The following TRPV4 variants were observed in gnomAD, a reference collection of about 807,000 sequenced individuals.
The protein encoded by TRPV4 is transient receptor potential cation channel subfamily V member 4, also known as OSM9-like transient receptor potential channel 4.
In TRPV4, 58 loss-of-function variants were observed where a neutral mutation model predicts 84.1. The observed-to-expected ratio is 0.69, with a 90% CI of 0.56 to 0.86. The LOEUF (loss-of-function observed/expected upper bound fraction) is 0.86, where lower values mean the gene tolerates loss of function less well. TRPV4 is among the 40% of genes least tolerant of loss of function. The pLI, the probability that TRPV4 is intolerant of heterozygous loss-of-function variation, is 0.00. For synonymous variants in TRPV4, 489 were observed against 500.9 expected, an observed-to-expected ratio of 0.98 and a Z score of 0.32; for missense variants, 879 against 1,181.1, an observed-to-expected ratio of 0.74 and a Z score of 3.75.
At chr12:109,794,278 T>TCAGCCCAGTGCCTGCCC in intron 8 of TRPV4, 51 bp downstream of exon 8, 6 of 1,603,074 alleles carry the variant, frequency 3.7e-6, no homozygotes, top group Non-Finnish European at 5.1e-6. Flanking sequence ...CAGTCCTGCA[T>TCAGCCCAGTGCCTGCCC]GGCTCAGCCC....
At chr12:109,802,905 C>G in intron 4 of TRPV4, 86 bp downstream of exon 4, 3 of 1,451,398 alleles carry the variant, frequency 2.1e-6, no homozygotes, top group Non-Finnish European at 2.9e-6. Flanking sequence ...CACTTAGGCC[C>G]AGATCAAAAG....
At position 109,802,980 on chromosome 12, in the gene TRPV4, C is replaced by T. The variant is rs540760312; in HGVS notation, c.712+11G>A. On this transcript the variant is annotated intron_variant, in intron 4 of 15. Coordinates refer to ENST00000261740, the MANE Select transcript of TRPV4 (RefSeq NM_021625.5). Reference sequence around the variant, plus strand: ...GCCCCCGTGGCACCCCTGCCCAGCCCGGGGCCCCACCTCGATAGTAGATGT... The same window carrying T: ...GCCCCCGTGGCACCCCTGCCCAGCCTGGGGCCCCACCTCGATAGTAGATGT... The T allele has an allele frequency of 3.1e-5, 50 of 1,613,434 alleles. No individual in the cohort carries two copies. Among genetic ancestry groups the T allele is most frequent in the South Asian group, 1.3e-4 (12 of 91,064 alleles).
intron 1 of TRPV4, among the ~76,000 whole-genome samples, chr12:109,826,878 A>G (rs1198841318): frequency 6.6e-6 from 1 of 152,232 alleles, no homozygotes; most frequent in Non-Finnish European, 1.5e-5. Context: ...AGAGTCTCAC[A>G]AAGTGGCCTC....
rs148779865 is a variant in TRPV4, at chr12:109,808,442, G to A, written c.413C>T (p.Pro138Leu). The A allele has an allele frequency of 2.5e-6, 4 of 1,613,422 alleles. No individual in the cohort carries two copies. The highest frequency in any genetic ancestry group is 3.4e-6 in the Non-Finnish European group (4 of 1,179,410). The change falls in exon 3 of 16, where the codon CCT (proline) becomes CTT (leucine). Residue 138 changes from proline to leucine, a missense_variant. Pro to Leu is a moderately conservative substitution (Grantham distance 98). Around this residue, in one of 4 missense-constraint regions of TRPV4, gnomAD observed 521 missense variants for 686.6 expected, o/e 0.76. Coordinates refer to ENST00000261740, the MANE Select transcript of TRPV4 (RefSeq NM_021625.5). ...IEKQPQSPKAPAPQPPPILKV... is the reference protein window; with the variant it reads ...IEKQPQSPKALAPQPPPILKV... ...GAGGATGGGGGGCGGCTGAGGGGCA[G>A]GGGCTTTGGGGCTCTGCGGCTGCTT...
chr12:109,810,048 G>A (rs1197690002), intron 2 of TRPV4, among the ~76,000 whole-genome samples: 1 of 152,216 alleles, frequency 6.6e-6, no homozygotes, highest in South Asian at 2.1e-4. Context: ...GGCACAGAGA[G>A]GGCTGGGAAG....
chr12:109,829,972 C>T (rs757548577), intron 1 of TRPV4, among the ~76,000 whole-genome samples: 2 of 152,210 alleles, frequency 1.3e-5, no homozygotes, highest in Admixed American at 6.5e-5. Context: ...CGTGCTACCA[C>T]GTTCGGCTAA....
rs566734320 is a variant in TRPV4, at chr12:109,787,920, C to T, written c.2208+480G>A. Among the ~76,000 whole-genome samples the T allele has an allele frequency of 2.0e-4, 30 of 152,302 alleles. 1 individual carries two copies. In the East Asian group the frequency reaches 5.6e-3, roughly 28 times the overall value. On this transcript the variant is annotated intron_variant, in intron 13 of 15. Coordinates refer to ENST00000261740, the MANE Select transcript of TRPV4 (RefSeq NM_021625.5). ...GGTAAGTAAAAACTTTCTGCAGCTC[C>T]CCGGGCCAAGGCGGCCCCTGTCCCC...
chr12:109,831,615 C>T (rs569742141), intron 1 of TRPV4, among the ~76,000 whole-genome samples: 10 of 152,330 alleles, frequency 6.6e-5, no homozygotes, highest in African/African-American at 2.2e-4. Context: ...TGGCAGAGGC[C>T]CAGTTGGCAC....
chr12:109,793,678 G>A lies in TRPV4; in HGVS notation c.1585-78C>T. 8.1e-7 allele frequency: 1 copy of A among 1,241,670 alleles called. No homozygotes were observed. Among genetic ancestry groups the A allele is most frequent in the South Asian group, 1.2e-5 (1 of 82,844 alleles). 76.9% of individuals were successfully genotyped at this position (1,241,670 alleles called of 1,614,324 possible). The stretch of plus-strand genomic sequence containing the variant: ...GGAGGAGAGAGGAGACAGAGAAAGG[G>A]ATAGAAGAGAGGGAGGCAGAGGCTG... On this transcript the variant is annotated intron_variant, in intron 9 of 15. Transcript: ENST00000261740. This position sits in a 1 kb window ranked among gnomAD's most constrained non-coding sequence, Gnocchi z 4.0.
At position 109,833,081 on chromosome 12, in the gene TRPV4, G is replaced by T. The variant is rs770185946; in HGVS notation, c.-32+269C>A. ...GCTTGGGGTCTCAGGGAACCGAACC[G>T]CCCTCCCCCCAGACCTGCTACCCCA... On this transcript the variant is annotated intron_variant, in intron 1 of 15. Coordinates refer to ENST00000261740, the MANE Select transcript of TRPV4 (RefSeq NM_021625.5). 1.4e-3 allele frequency among the ~76,000 whole-genome samples: 216 copies of T among 152,192 alleles called. 1 individual carries two copies. The highest frequency in any genetic ancestry group is 2.5e-3 in the Non-Finnish European group (169 of 67,976).
At position 109,784,356 on chromosome 12, in the gene TRPV4, C is replaced by T. The variant is rs1157330201; in HGVS notation, c.2418G>A (p.Gln806=). 5.0e-6 allele frequency: 8 copies of T among 1,614,204 alleles called. No individual in the cohort carries two copies. The highest frequency in any genetic ancestry group is 5.9e-6 in the Non-Finnish European group (7 of 1,180,040). ...CCACGGTATGCGAGAAGCCATAATA[C>T]TGGTAGGTCTCATTCTTGCCCGGGT... ...NEDPGKNETY[Q]YYGFSHTVGR... Residue 806 remains glutamine (Q), a synonymous_variant, in exon 15 of 16, where the codon CAG becomes CAA. Coordinates refer to ENST00000261740, the MANE Select transcript of TRPV4 (RefSeq NM_021625.5).
At position 109,795,712 on chromosome 12, in the gene TRPV4, T is replaced by C. The variant is rs1448205827; in HGVS notation, c.1332+813A>G. On this transcript the variant is annotated intron_variant, in intron 7 of 15. Transcript: ENST00000261740. ...CAGAACGACGTTCACAAAATACTGC[T>C]AAGTAGGGAAAAAAAAGCTTGGTTT... Among the ~76,000 whole-genome samples, 3 of 152,182 alleles carry C rather than the reference T, an allele frequency of 2.0e-5. No homozygotes were observed. The East Asian group carries it at 5.8e-4, about 29-fold the overall frequency.
chr12:109,792,758 G>T lies in TRPV4; in HGVS notation c.1718C>A (p.Ala573Asp). Residue 573 changes from alanine to aspartate, a missense_variant, in exon 11 of 16, where the codon GCC becomes GAC. By Grantham distance (126) the Ala-to-Asp change is moderately radical. Coordinates refer to ENST00000261740, the MANE Select transcript of TRPV4 (RefSeq NM_021625.5). ...GGCAAAGACCATCACGGCCAGGTAGGCCTCGATCCCTGCCAGGTAGAGGGC... is the reference window on the plus strand; with the variant it reads ...GGCAAAGACCATCACGGCCAGGTAGTCCTCGATCCCTGCCAGGTAGAGGGC... The part of the protein sequence containing the change: ...SAALYLAGIE[A>D]YLAVMVFALV... 6.2e-7 allele frequency: 1 copy of T among 1,614,096 alleles called. No homozygotes were observed. Among genetic ancestry groups the T allele is most frequent in the Non-Finnish European group, 8.5e-7 (1 of 1,180,024 alleles).
intron 3 of TRPV4, among the ~76,000 whole-genome samples, chr12:109,807,590 C>T (rs762993452): frequency 1.8e-4 from 28 of 152,038 alleles, no homozygotes; most frequent in Non-Finnish European, 3.8e-4. Context: ...TGTGAGATCA[C>T]GGCCAGTTTA....
In TRPV4 at chr12:109,800,627, A is replaced by C; in HGVS notation, c.844T>G (p.Phe282Val). Reference sequence around the variant, plus strand: ...CCAGGCCCCTCCTTACCAAAGTAGAAGTAGCCCCCCTCATCCTTGGGCTGG... The same window carrying C: ...CCAGGCCCCTCCTTACCAAAGTAGACGTAGCCCCCCTCATCCTTGGGCTGG... ...FFQPKDEGGY[F>V]YFGELPLSLA... The change falls in exon 5 of 16, where the codon TTC (phenylalanine) becomes GTC (valine). Residue 282 changes from phenylalanine to valine, a missense_variant. By Grantham distance (50) the Phe-to-Val change is conservative. Around this residue, in one of 4 missense-constraint regions of TRPV4, gnomAD observed 521 missense variants for 686.6 expected, o/e 0.76. Transcript: ENST00000261740. 6.2e-7 allele frequency: 1 copy of C among 1,614,196 alleles called. No homozygotes were observed. Among genetic ancestry groups the C allele is most frequent in the East Asian group, 2.2e-5 (1 of 44,880 alleles).
chr12:109,800,844 T>C, intron 4 of TRPV4, 86 bp from the exon 5 acceptor site: 2 of 279,800 alleles, frequency 7.1e-6, no homozygotes, highest in Non-Finnish European at 1.1e-5. Flanking sequence ...GTGCAGGACG[T>C]AGAAATTGGG....
chr12:109,807,992 G>A (rs868358872), intron 3 of TRPV4, among the ~76,000 whole-genome samples: 8 of 152,186 alleles, frequency 5.3e-5, no homozygotes, highest in Non-Finnish European at 1.0e-4. Context: ...GTCACACATC[G>A]CTTAACTGGT....
At chr12:109,784,941 T>A (rs12825267) in intron 14 of TRPV4, among the ~76,000 whole-genome samples, 28 of 151,502 alleles carry the variant, frequency 1.8e-4, no homozygotes, top group African/African-American at 6.8e-4. Context: ...TACAATTCAG[T>A]GGCATTAAGC....
At chr12:109,822,554 C>T (rs1211116596) in intron 1 of TRPV4, among the ~76,000 whole-genome samples, 1 of 152,208 alleles carries the variant, frequency 6.6e-6, no homozygotes, top group African/African-American at 2.4e-5. Context: ...CTGGCATTGC[C>T]TTGCTCCAGA....
Sources: gnomAD v4.1 joint callset for allele counts (sites outside exome capture counted in the v4.1 genomes callset) on GRCh38, gnomAD v4.1.1 for gene constraint, gnomAD v4.1.1 regional missense constraint, Gnocchi (gnomAD v3.1) non-coding constraint, MANE v1.5 for transcripts, NCBI Gene and HGNC (gene_info 2026-07-23, HGNC 2026-07-21) for gene names.